RBFOX1: variants seen among roughly 807,000 people sequenced by gnomAD.
RBFOX1 encodes RNA binding protein fox-1 homolog 1.
Under a neutral mutation model 57.7 loss-of-function variants are expected in RBFOX1, and 8 were observed. That is an observed-to-expected ratio of 0.14 (90% CI 0.08 to 0.25). The LOEUF (loss-of-function observed/expected upper bound fraction) is 0.25, where lower values mean the gene tolerates loss of function less well. Ranked by LOEUF, RBFOX1 falls within the 10% of genes least tolerant of loss-of-function variation. RBFOX1 has a pLI of 1.00. For synonymous variants in RBFOX1, 326 were observed against 222.4 expected, an observed-to-expected ratio of 1.47 and a Z score of -4.15; for missense variants, 611 against 548.5, an observed-to-expected ratio of 1.11 and a Z score of -1.14.
chr16:6,049,337 T>G (rs923638663), intron 1 of RBFOX1, among the ~76,000 whole-genome samples: 1 of 151,858 alleles, frequency 6.6e-6, no homozygotes, highest in Non-Finnish European at 1.5e-5. Context: ...AAAAAAAAAT[T>G]CTTTATTAAA....
At chr16:6,059,969 G>T (rs1308640470) in intron 1 of RBFOX1, among the ~76,000 whole-genome samples, 1 of 151,988 alleles carries the variant, frequency 6.6e-6, no homozygotes, top group Non-Finnish European at 1.5e-5. Flanking sequence ...GGACATTCTG[G>T]CTCAGGAAGT....
At chr16:6,570,907 G>T (rs916887514) in intron 2 of RBFOX1, among the ~76,000 whole-genome samples, 2 of 152,154 alleles carry the variant, frequency 1.3e-5, no homozygotes, top group Non-Finnish European at 2.9e-5. Flanking sequence ...TTGAAATCTT[G>T]CAGGGCCTTT....
chr16:6,866,679 C>T (rs1441635806), intron 3 of RBFOX1, among the ~76,000 whole-genome samples: 2 of 151,186 alleles, frequency 1.3e-5, no homozygotes, highest in African/African-American at 2.4e-5. Flanking sequence ...GTAGCTGGGA[C>T]TACAGGCGCC....
chr16:5,785,735 C>G (rs1251843051), intron 3 of RBFOX1, among the ~76,000 whole-genome samples: 1 of 152,092 alleles, frequency 6.6e-6, no homozygotes, highest in Non-Finnish European at 1.5e-5. Context: ...CCATGTTGTT[C>G]AGGTTGGTCT....
At chr16:7,356,393 A>G (rs938557286) in intron 4 of RBFOX1, among the ~76,000 whole-genome samples, 56 of 152,178 alleles carry the variant, frequency 3.7e-4, no homozygotes, top group Admixed American at 6.5e-5. Flanking sequence ...CTGAGCATGC[A>G]CACTAAAGAA....
At chr16:7,341,776 C>CTCCCTCCTTCCTTCCTTCCTTCCT (rs2096900288) in intron 4 of RBFOX1, among the ~76,000 whole-genome samples, 3 of 95,198 alleles carry the variant, frequency 3.2e-5, no homozygotes, top group African/African-American at 1.2e-4. Flanking sequence ...CCCTCCCTCC[C>CTCCCTCCTTCCTTCCTTCCTTCCT]TCCTTCCTTC....
intron 4 of RBFOX1, among the ~76,000 whole-genome samples, chr16:7,211,553 A>G (rs2091142731): frequency 6.6e-6 from 1 of 152,152 alleles, no homozygotes; most frequent in Non-Finnish European, 1.5e-5. Context: ...ATGTAAAGCA[A>G]ACAAACAAAA....
In RBFOX1 at chr16:6,845,693, G is replaced by A. The variant is rs569250330; in HGVS notation, c.-16+191043G>A. Among the ~76,000 whole-genome samples the A allele has an allele frequency of 3.0e-4, 46 of 152,208 alleles. 2 individuals carry two copies. The highest frequency in any genetic ancestry group is 3.4e-3 in the Middle Eastern group (1 of 292). ...AAAATTTCAGAGATCTCACCAGAAC[G>A]TTCCAGGCCTTGCTTCTCTGACACA... is the stretch of plus-strand genomic sequence containing the variant. On this transcript the variant is annotated intron_variant, in intron 3 of 15. Coordinates refer to ENST00000550418, the MANE Select transcript of RBFOX1 (RefSeq NM_018723.4).
intron 4 of RBFOX1, among the ~76,000 whole-genome samples, chr16:7,148,994 C>T (rs1403932779): frequency 6.6e-6 from 1 of 152,214 alleles, no homozygotes; most frequent in South Asian, 2.1e-4. Context: ...TATTTTGCTT[C>T]TTTCCTGGCT....
intron 3 of RBFOX1, among the ~76,000 whole-genome samples, chr16:6,681,032 TG>T (rs2058571515): frequency 2.0e-5 from 3 of 152,166 alleles, no homozygotes; most frequent in Admixed American, 2.0e-4. Flanking sequence ...CTGTTTAGGC[TG>T]GGCATGATGG....
At chr16:6,889,536 C>G (rs1485981299) in intron 3 of RBFOX1, among the ~76,000 whole-genome samples, 3 of 152,148 alleles carry the variant, frequency 2.0e-5, no homozygotes, top group South Asian at 4.1e-4. Flanking sequence ...TGCAGTGTTA[C>G]TCACCCTGTC....
chr16:7,506,578 C>CA (rs2073377864), intron 4 of RBFOX1, among the ~76,000 whole-genome samples: 4 of 137,098 alleles, frequency 2.9e-5, no homozygotes, highest in African/African-American at 1.2e-4. Context: ...TTACCATCAC[C>CA]TTCATCATCA....
At chr16:6,397,901 C>T (rs746265056) in intron 2 of RBFOX1, among the ~76,000 whole-genome samples, 3 of 151,868 alleles carry the variant, frequency 2.0e-5, no homozygotes, top group Admixed American at 6.6e-5. Flanking sequence ...ACGGAAGGAA[C>T]TAAAATGAAA....
chr16:7,350,243 G>A (rs185838785), intron 4 of RBFOX1, among the ~76,000 whole-genome samples: 3 of 152,156 alleles, frequency 2.0e-5, no homozygotes, highest in African/African-American at 4.8e-5. Flanking sequence ...TTGACAAGTA[G>A]GTGCCAGCTG....
At position 5,886,207 on chromosome 16, in the gene RBFOX1, G is replaced by A. The variant is rs74004677; in HGVS notation, c.351+18872G>A. 5.1e-3 allele frequency among the ~76,000 whole-genome samples: 783 copies of A among 152,222 alleles called. 7 individuals are homozygous for A. Among genetic ancestry groups the A allele is most frequent in the African/African-American group, 0.017 (718 of 41,520 alleles). ...CATAAATTCCCCAGTTTCAGGTATT[G>A]CCTTGTAGCAGAGCAAAAATTGACT... On this transcript the variant is annotated intron_variant, in intron 4 of 19. Coordinates refer to the RBFOX1 transcript ENST00000641259.
At chr16:7,003,676 A>C (rs2093038234) in intron 3 of RBFOX1, among the ~76,000 whole-genome samples, 1 of 152,206 alleles carries the variant, frequency 6.6e-6, no homozygotes, top group African/African-American at 2.4e-5. Context: ...AAAGGAACAT[A>C]GGAAAGCTTA....
intron 4 of RBFOX1, among the ~76,000 whole-genome samples, chr16:7,424,102 C>T (rs1325716104): frequency 6.6e-6 from 1 of 152,140 alleles, no homozygotes; most frequent in Non-Finnish European, 1.5e-5. Context: ...CTTTTTTAAG[C>T]ATTCAGAGCT....
intron 3 of RBFOX1, among the ~76,000 whole-genome samples, chr16:7,018,066 A>T (rs1266891679): frequency 6.6e-6 from 1 of 152,082 alleles, no homozygotes. Flanking sequence ...CAGCTCCTCC[A>T]GCCAACCTGC....
intron 3 of RBFOX1, among the ~76,000 whole-genome samples, chr16:6,667,378 G>A (rs528958709): frequency 1.3e-5 from 2 of 152,244 alleles, no homozygotes; most frequent in East Asian, 1.9e-4. Flanking sequence ...AGGTGTAATC[G>A]TGTGGCTAAG....
Sources: allele counts gnomAD v4.1 joint callset (sites outside exome capture counted in the v4.1 genomes callset), GRCh38; gene constraint gnomAD v4.1.1; transcripts MANE v1.5; gene names NCBI Gene and HGNC (gene_info 2026-07-23, HGNC 2026-07-21).